The following RBMS3 variants were observed in gnomAD, a reference collection of about 807,000 sequenced individuals.
RBMS3 encodes the protein RNA binding motif single stranded interacting protein 3.
A neutral mutation model predicts 66.8 loss-of-function variants in RBMS3; 27 were observed. The observed-to-expected ratio is 0.40, with a 90% CI of 0.30 to 0.56. RBMS3 has a LOEUF of 0.56. Among genes scored for constraint, RBMS3 ranks in the 20% least tolerant of loss-of-function variants. The pLI, the probability that RBMS3 is intolerant of heterozygous loss-of-function variation, is 0.40. For missense variants in RBMS3, 513 were observed against 549.5 expected (o/e 0.93, Z 0.66); for synonymous variants, 188 against 183.0 (o/e 1.03, Z -0.22).
chr3:29,799,119 C>T (rs1300966931), intron 6 of RBMS3, among the ~76,000 whole-genome samples: 1 of 152,050 alleles, frequency 6.6e-6, no homozygotes, highest in Non-Finnish European at 1.5e-5. Flanking sequence ...ATGGTCAATG[C>T]CTCTCAGTCA....
chr3:29,899,522 C>A (rs2060202660), intron 9 of RBMS3, among the ~76,000 whole-genome samples, 183 bp from the exon 10 acceptor site: 1 of 151,730 alleles, frequency 6.6e-6, no homozygotes, highest in Non-Finnish European at 1.5e-5. Flanking sequence ...TACCTTTTAC[C>A]TTGTTTCAGG....
intron 2 of RBMS3, among the ~76,000 whole-genome samples, chr3:29,455,359 G>T (rs2042150526): frequency 6.6e-6 from 1 of 152,116 alleles, no homozygotes; most frequent in Non-Finnish European, 1.5e-5. Flanking sequence ...TTTACAGCAA[G>T]TACATTTAAA....
At chr3:29,505,708 AC>A (rs2148945813) in intron 3 of RBMS3, among the ~76,000 whole-genome samples, 1 of 151,486 alleles carries the variant, frequency 6.6e-6, no homozygotes, top group South Asian at 2.1e-4. Context: ...TAATCAATGA[AC>A]GTGAGACATG....
intron 4 of RBMS3, among the ~76,000 whole-genome samples, chr3:29,707,210 A>G (rs1448009693): frequency 2.0e-5 from 3 of 152,158 alleles, no homozygotes; most frequent in Non-Finnish European, 2.9e-5. Context: ...AAATTTTATC[A>G]TGTGTACTTT....
At chr3:29,697,740 T>C (rs2052346334) in intron 4 of RBMS3, among the ~76,000 whole-genome samples, 1 of 152,232 alleles carries the variant, frequency 6.6e-6, no homozygotes, top group African/African-American at 2.4e-5. Flanking sequence ...TTATACACTA[T>C]TTGAAAGTAA....
intron 1 of RBMS3, among the ~76,000 whole-genome samples, chr3:29,387,768 TA>T (rs1209332241): frequency 6.6e-6 from 1 of 151,722 alleles, no homozygotes; most frequent in African/African-American, 2.4e-5. Flanking sequence ...AATAAATAAA[TA>T]AAATATATAT....
At chr3:29,718,172 G>GA (rs966281203) in intron 4 of RBMS3, among the ~76,000 whole-genome samples, 16 of 151,930 alleles carry the variant, frequency 1.1e-4, no homozygotes, top group Admixed American at 8.5e-4. Context: ...GATAAAAATA[G>GA]AAAAAATCTG....
intron 3 of RBMS3, among the ~76,000 whole-genome samples, chr3:29,554,044 G>A (rs1040473632): frequency 6.6e-6 from 1 of 152,036 alleles, no homozygotes; most frequent in Non-Finnish European, 1.5e-5. Context: ...AAAATAAGGG[G>A]ACTTTTAAAT....
rs922313732 is a variant in RBMS3 at position 29,592,229 on chromosome 3, T to C, written c.399+5024T>C. ...ACACACACACAATGAATTTACAAAA[T>C]ATATCACCACAGTGAAGCCATATCA... On this transcript the variant is annotated intron_variant, in intron 4 of 14. Coordinates refer to ENST00000383767, the MANE Select transcript of RBMS3 (RefSeq NM_001003793.3). Among the ~76,000 whole-genome samples the C allele has an allele frequency of 5.9e-5, 9 of 151,954 alleles. No individual in the cohort carries two copies. In the South Asian group the frequency reaches 1.9e-3, roughly 32 times the overall value.
At chr3:29,878,350 T>C (rs2059659150) in intron 7 of RBMS3, among the ~76,000 whole-genome samples, 1 of 152,144 alleles carries the variant, frequency 6.6e-6, no homozygotes, top group African/African-American at 2.4e-5. Flanking sequence ...CTGAATATCT[T>C]AGTTATATAC....
In RBMS3 at chr3:29,936,066, G is replaced by A. The variant is rs761883426; in HGVS notation, c.940-20G>A. On this transcript the variant is annotated intron_variant, in intron 10 of 14. Transcript: ENST00000383767. ...TCCTTGTAGGATATATTTTCAAATG[G>A]ACATTGTATATGCTTGTAGGGTGCT... is the stretch of plus-strand genomic sequence containing the variant. 3 of 1,585,582 alleles carry A rather than the reference G, an allele frequency of 1.9e-6. No individual in the cohort carries two copies. Among genetic ancestry groups the A allele is most frequent in the Non-Finnish European group, 2.6e-6 (3 of 1,157,634 alleles).
chr3:29,363,950 A>G (rs1277061414), intron 1 of RBMS3, among the ~76,000 whole-genome samples: 1 of 152,160 alleles, frequency 6.6e-6, no homozygotes, highest in Non-Finnish European at 1.5e-5. Flanking sequence ...AGTTACTTTC[A>G]TATACTATTA....
intron 2 of RBMS3, among the ~76,000 whole-genome samples, chr3:29,486,918 A>AT (rs1254208911): frequency 7.2e-4 from 109 of 152,026 alleles, no homozygotes; most frequent in African/African-American, 2.6e-3. Flanking sequence ...ACCTGATCTA[A>AT]TTTTTCTTTC....
At chr3:29,982,491 C>G (rs1698062554) in intron 12 of RBMS3, among the ~76,000 whole-genome samples, 1 of 152,090 alleles carries the variant, frequency 6.6e-6, no homozygotes, top group South Asian at 2.1e-4. Flanking sequence ...TTCTCTAGTT[C>G]TTTCAATTGT....
At chr3:29,355,812 A>G (rs921849712) in intron 1 of RBMS3, among the ~76,000 whole-genome samples, 6 of 152,120 alleles carry the variant, frequency 3.9e-5, no homozygotes, top group African/African-American at 1.4e-4. Context: ...GCACAAAACA[A>G]AAAAGCACAA....
chr3:29,310,309 C>G (rs544224424), intron 1 of RBMS3, among the ~76,000 whole-genome samples: 23 of 151,592 alleles, frequency 1.5e-4, no homozygotes, highest in Middle Eastern at 3.4e-3. Flanking sequence ...GCTGGGGGGG[C>G]CCGGATAAGG....
At chr3:29,368,836 G>A (rs759716949) in intron 1 of RBMS3, among the ~76,000 whole-genome samples, 9 of 151,984 alleles carry the variant, frequency 5.9e-5, no homozygotes, top group African/African-American at 1.7e-4. Flanking sequence ...ATACCCAAAC[G>A]AATATAAATC....
At chr3:29,475,474 C>G (rs1245397716) in intron 2 of RBMS3, among the ~76,000 whole-genome samples, 3 of 151,940 alleles carry the variant, frequency 2.0e-5, no homozygotes, top group African/African-American at 7.3e-5. Flanking sequence ...GGTCACGAAC[C>G]CTTGAGCTCA....
In RBMS3 at chr3:29,670,636, C is replaced by T. The variant is rs552560346; in HGVS notation, c.400-69084C>T. Among the ~76,000 whole-genome samples, 380 of 152,308 alleles carry T rather than the reference C, an allele frequency of 2.5e-3. 1 individual carries two copies. Among genetic ancestry groups the T allele is most frequent in the Non-Finnish European group, 4.0e-3 (269 of 68,026 alleles). ...CCTGGCTCAGAGGGTCCCGTGCCCA[C>T]GGAGCCTTGCTCACTGCTAACACAG... On this transcript the variant is annotated intron_variant, in intron 4 of 14. Coordinates refer to ENST00000383767, the MANE Select transcript of RBMS3 (RefSeq NM_001003793.3).
Sources: allele counts gnomAD v4.1 joint callset (sites outside exome capture counted in the v4.1 genomes callset), GRCh38; gene constraint gnomAD v4.1.1; transcripts MANE v1.5; gene names NCBI Gene and HGNC (gene_info 2026-07-23, HGNC 2026-07-21).